The following ZBTB20 variants were observed in gnomAD, a reference collection of about 807,000 sequenced individuals.
ZBTB20 encodes the protein zinc finger and BTB domain containing 20, also known as zinc finger and BTB domain-containing protein 20.
In ZBTB20, 9 loss-of-function variants were observed where a neutral mutation model predicts 56.9. The ratio of observed to expected loss-of-function variants is 0.16; its 90% CI spans 0.10 to 0.28. The LOEUF (loss-of-function observed/expected upper bound fraction) is 0.28, where lower values mean the gene tolerates loss of function less well. Among genes scored for constraint, ZBTB20 ranks in the 10% least tolerant of loss-of-function variants. ZBTB20 has a pLI of 1.00. For synonymous variants in ZBTB20, 417 were observed against 420.7 expected, an observed-to-expected ratio of 0.99 and a Z score of 0.11; for missense variants, 655 against 1,003.0, an observed-to-expected ratio of 0.65 and a Z score of 4.69.
At chr3:114,895,603 T>C (rs1318398022) in intron 4 of ZBTB20, among the ~76,000 whole-genome samples, 4 of 152,154 alleles carry the variant, frequency 2.6e-5, no homozygotes, top group East Asian at 3.8e-4. Context: ...AGAGCCATAA[T>C]TGGACCAAAG....
intron 1 of ZBTB20, among the ~76,000 whole-genome samples, chr3:115,112,742 T>C (rs2083914136): frequency 6.6e-6 from 1 of 152,202 alleles, no homozygotes; most frequent in Non-Finnish European, 1.5e-5. Flanking sequence ...TTTGCTACTA[T>C]GAATAGTGCT....
intron 7 of ZBTB20, among the ~76,000 whole-genome samples, chr3:114,426,039 G>A (rs1257582589): frequency 6.6e-6 from 1 of 152,066 alleles, no homozygotes; most frequent in African/African-American, 2.4e-5. Context: ...CCTAGGATAT[G>A]AAAATTGCCT....
At chr3:115,066,592 A>G (rs1391843942) in intron 2 of ZBTB20, among the ~76,000 whole-genome samples, 1 of 152,074 alleles carries the variant, frequency 6.6e-6, no homozygotes, top group Non-Finnish European at 1.5e-5. Flanking sequence ...CTTTTTCTCA[A>G]TAGAACTAAG....
At chr3:114,923,680 G>GA (rs927174638) in intron 3 of ZBTB20, among the ~76,000 whole-genome samples, 56 of 152,072 alleles carry the variant, frequency 3.7e-4, no homozygotes, top group Admixed American at 3.5e-3. Context: ...ATATTGACAC[G>GA]AAAAGCACAG....
Position 114,956,811 on chromosome 3 carries a change from C to T in ZBTB20, c.-456+17555G>A, listed in dbSNP as rs369469286. On this transcript the variant is annotated intron_variant, in intron 3 of 11. Coordinates refer to ENST00000675478, the MANE Select transcript of ZBTB20 (RefSeq NM_001348800.3). ...AATATACCAAATCATTATCGAACAGCTTAGGGATGACTCACTTTGACAGGA... is the reference window on the plus strand; with the variant it reads ...AATATACCAAATCATTATCGAACAGTTTAGGGATGACTCACTTTGACAGGA... Among the ~76,000 whole-genome samples, 11 of 152,290 alleles carry T rather than the reference C, an allele frequency of 7.2e-5. No homozygotes were observed. The South Asian group carries it at 1.0e-3, about 14-fold the overall frequency.
In ZBTB20 at chr3:114,844,542, A is replaced by ACAAAAC. The variant is rs1158985425; in HGVS notation, c.-416-43369_-416-43368insGTTTTG. On this transcript the variant is annotated intron_variant, in intron 4 of 11. Transcript: ENST00000675478. The stretch of plus-strand genomic sequence containing the variant: ...TCTCAAAAAAAAAAAAAAAAAAAAA[A>ACAAAAC]AAAAAAAAAACTTTCATTTCTCTTG... Among the ~76,000 whole-genome samples, 19 of 140,620 alleles carry ACAAAAC rather than the reference A, an allele frequency of 1.4e-4. 1 individual carries two copies. The highest frequency in any genetic ancestry group is 2.9e-4 in the Non-Finnish European group (19 of 65,706). 92.3% of individuals were successfully genotyped at this position (140,620 alleles called of 152,430 possible).
intron 6 of ZBTB20, among the ~76,000 whole-genome samples, chr3:114,522,899 T>C (rs1441955584): frequency 1.3e-5 from 2 of 152,206 alleles, no homozygotes; most frequent in African/African-American, 4.8e-5. Context: ...CGTGGAGATG[T>C]TGAATAGGCA....
intron 1 of ZBTB20, among the ~76,000 whole-genome samples, chr3:115,138,362 T>G (rs185641747): frequency 6.6e-6 from 1 of 152,204 alleles, no homozygotes; most frequent in African/African-American, 2.4e-5. Context: ...CTATCATCAT[T>G]TTTAATTCTA....
intron 7 of ZBTB20, among the ~76,000 whole-genome samples, chr3:114,430,902 C>G (rs2090071610): frequency 6.6e-6 from 1 of 152,150 alleles, no homozygotes; most frequent in African/African-American, 2.4e-5. Context: ...CTCTACTTAC[C>G]TTGTTTTCTG....
chr3:114,791,143 T>C (rs988412931), intron 5 of ZBTB20, among the ~76,000 whole-genome samples: 1 of 152,138 alleles, frequency 6.6e-6, no homozygotes, highest in Non-Finnish European at 1.5e-5. Flanking sequence ...TAGGAGAAAG[T>C]GTCCCCTACA....
At chr3:115,040,043 G>GTA (rs1169326339) in intron 2 of ZBTB20, among the ~76,000 whole-genome samples, 9 of 152,002 alleles carry the variant, frequency 5.9e-5, no homozygotes, top group African/African-American at 1.2e-4. Flanking sequence ...TTCACACTGA[G>GTA]TATATATATG....
chr3:114,888,991 T>G (rs1396304048), intron 4 of ZBTB20, among the ~76,000 whole-genome samples: 1 of 152,138 alleles, frequency 6.6e-6, no homozygotes, highest in Non-Finnish European at 1.5e-5. Context: ...AATCTTCTTT[T>G]GATATGCTTA....
At position 114,685,429 on chromosome 3, in the gene ZBTB20, A is replaced by C. The variant is rs554167536; in HGVS notation, c.-295+8099T>G. ...TCACAAAGAACTCAGGACAACAATC[A>C]GTGAGCAAAATGAAACTGCTGGAGT... is the stretch of plus-strand genomic sequence containing the variant. On this transcript the variant is annotated intron_variant, in intron 6 of 11. Coordinates refer to ENST00000675478, the MANE Select transcript of ZBTB20 (RefSeq NM_001348800.3). Among the ~76,000 whole-genome samples, 11 of 152,352 alleles carry C rather than the reference A, an allele frequency of 7.2e-5. No homozygotes were observed. In the East Asian group the frequency reaches 2.1e-3, roughly 29 times the overall value.
chr3:115,143,566 C>T (rs1441111900), intron 1 of ZBTB20, among the ~76,000 whole-genome samples: 1 of 152,154 alleles, frequency 6.6e-6, no homozygotes, highest in African/African-American at 2.4e-5. Context: ...AGATATGTTC[C>T]TAAAAACAAA....
Position 115,028,843 on chromosome 3 carries a change from C to A in ZBTB20, c.-507+42376G>T, listed in dbSNP as rs146175109. On this transcript the variant is annotated intron_variant, in intron 2 of 11. Coordinates refer to ENST00000675478, the MANE Select transcript of ZBTB20 (RefSeq NM_001348800.3). ...AACTCTTTAATGTAATGAAGAATAT[C>A]TACCTATAAAATGGTTGACACTACA... is the stretch of plus-strand genomic sequence containing the variant. Among the ~76,000 whole-genome samples, 627 of 150,786 alleles carry A rather than the reference C, an allele frequency of 4.2e-3. 5 individuals are homozygous for A. The highest frequency in any genetic ancestry group is 0.014 in the African/African-American group (585 of 41,356).
At chr3:114,893,201 TC>T (rs2076887347) in intron 4 of ZBTB20, among the ~76,000 whole-genome samples, 1 of 152,184 alleles carries the variant, frequency 6.6e-6, no homozygotes, top group African/African-American at 2.4e-5. Context: ...TTTGGCTAAG[TC>T]CTGGTGTACT....
chr3:114,351,928 T>C (rs2080708488), intron 10 of ZBTB20, 50 bp from the exon 11 acceptor site: 1 of 1,551,882 alleles, frequency 6.4e-7, no homozygotes. Context: ...CAGATCTAGC[T>C]GGTTGCATTC....
chr3:114,941,713 T>G lies in ZBTB20; in HGVS notation c.-456+32653A>C, dbSNP rs1206265332. Among the ~76,000 whole-genome samples the G allele has an allele frequency of 2.7e-5, 4 of 146,406 alleles. 1 individual carries two copies. The highest frequency in any genetic ancestry group is 5.5e-5 in the African/African-American group (2 of 36,190). On this transcript the variant is annotated intron_variant, in intron 3 of 11. Coordinates refer to ENST00000675478, the MANE Select transcript of ZBTB20 (RefSeq NM_001348800.3). Reference sequence around the variant, plus strand: ...ACCACCAATGTAAAATATAATAGATTGTTAGTAACAATAAATCAATCTCTA... The same window carrying G: ...ACCACCAATGTAAAATATAATAGATGGTTAGTAACAATAAATCAATCTCTA...
intron 4 of ZBTB20, among the ~76,000 whole-genome samples, chr3:114,866,319 T>C (rs1261903294): frequency 6.6e-6 from 1 of 152,172 alleles, no homozygotes; most frequent in Non-Finnish European, 1.5e-5. Flanking sequence ...TGTTATACAG[T>C]AAGGGGCGAA....
Sources: allele counts gnomAD v4.1 joint callset (sites outside exome capture counted in the v4.1 genomes callset), GRCh38; gene constraint gnomAD v4.1.1; transcripts MANE v1.5; gene names NCBI Gene and HGNC (gene_info 2026-07-23, HGNC 2026-07-21).